Variants in SUPT20H observed in about 807,000 individuals in gnomAD.
SUPT20H encodes transcription factor SPT20 homolog.
In SUPT20H, 82 loss-of-function variants were observed where a neutral mutation model predicts 122.8. The ratio of observed to expected loss-of-function variants is 0.67; its 90% confidence interval spans 0.56 to 0.80. The LOEUF (loss-of-function observed/expected upper bound fraction) is 0.80, where lower values mean the gene tolerates loss of function less well. Among genes scored for constraint, SUPT20H ranks in the 30% least tolerant of loss-of-function variants. The pLI, the probability that SUPT20H is intolerant of heterozygous loss-of-function variation, is 0.00. For missense variants in SUPT20H, 831 were observed against 921.6 expected, an observed-to-expected ratio of 0.90 and a Z score of 1.27; for synonymous variants, 291 against 313.0, an observed-to-expected ratio of 0.93 and a Z score of 0.74.
rs549745826 is a variant in SUPT20H at position 37,047,908 on chromosome 13, G to A, written c.68C>T (p.Pro23Leu). The A allele has an allele frequency of 2.5e-6, 4 of 1,605,926 alleles. No homozygotes were observed. The South Asian group carries it at 4.5e-5, about 18-fold the overall frequency. ...ACTTGATAGGTATTTCCTTTTAGGA[G>A]GTCTCTGTCGGGCACTTTCAATGAC... The part of the protein sequence containing the change: ...EYVIESARQR[P>L]PKRKYLSSGR... Residue 23 changes from proline (P) to leucine (L), a missense_variant, in exon 4 of 26, where the codon CCT becomes CTT. Coordinates refer to ENST00000350612, the MANE Select transcript of SUPT20H (RefSeq NM_001014286.3).
chr13:37,035,548 TC>T (rs1478007936), intron 9 of SUPT20H, among the ~76,000 whole-genome samples: 1 of 150,324 alleles, frequency 6.7e-6, no homozygotes, highest in Non-Finnish European at 1.5e-5. Flanking sequence ...TGAGTCAGAG[TC>T]TCCCTCTGTC....
At chr13:37,026,307 A>G (rs369193215) in intron 15 of SUPT20H, 71 bp from the exon 16 acceptor site, 176 of 1,125,442 alleles carry the variant, frequency 1.6e-4, no homozygotes, top group Admixed American at 5.4e-4. Flanking sequence ...GCTTGGGATT[A>G]CTTTTGAATC....
chr13:37,040,804 A>G (rs1182583836), intron 7 of SUPT20H, 112 bp from the exon 8 acceptor site: 1 of 743,638 alleles, frequency 1.3e-6, no homozygotes, highest in Admixed American at 2.2e-5. Context: ...CTGGCCACTC[A>G]TGTATGTACT....
chr13:37,038,217 G>T (rs1192965385), intron 9 of SUPT20H: 2 of 152,094 alleles, frequency 1.3e-5, no homozygotes, highest in African/African-American at 4.8e-5. Context: ...TCACATCCAA[G>T]AAATACTGCT....
intron 6 of SUPT20H, 53 bp downstream of exon 6, chr13:37,045,194 A>T (rs2066202861): frequency 1.2e-6 from 2 of 1,603,454 alleles, no homozygotes; most frequent in South Asian, 2.3e-5. Flanking sequence ...AAAAAACCGC[A>T]CATCCTGCCT....
At chr13:37,051,753 C>T (rs1298806429) in intron 1 of SUPT20H, 170 bp from the exon 2 acceptor site, 1 of 351,308 alleles carries the variant, frequency 2.8e-6, no homozygotes, top group Admixed American at 4.6e-5. Flanking sequence ...TGTACCACAA[C>T]CTATCCACTC....
At position 37,009,829 on chromosome 13, in the gene SUPT20H, A is replaced by T. The variant is rs1490331109; in HGVS notation, c.2203-20T>A. The stretch of plus-strand genomic sequence containing the variant: ...CAACTGCTGCAAAAGGGAGGGAAAA[A>T]AATCGAGTTATGTTAAATGCAGGCA... On this transcript the variant is annotated intron_variant, in intron 25 of 25. Transcript: ENST00000350612. 6.2e-7 allele frequency: 1 copy of T among 1,602,964 alleles called. No individual in the cohort carries two copies. The highest frequency in any genetic ancestry group is 8.5e-7 in the Non-Finnish European group (1 of 1,176,468).
chr13:37,045,484 A>T (rs1433771815), intron 5 of SUPT20H, 111 bp from the exon 6 acceptor site: 1 of 1,340,418 alleles, frequency 7.5e-7, no homozygotes, highest in Non-Finnish European at 1.0e-6. Context: ...CTCTTTCTGC[A>T]TTATGATTCT....
chr13:37,045,296 G>A lies in SUPT20H; in HGVS notation c.243C>T (p.Tyr81=). The A allele has an allele frequency of 6.2e-7, 1 of 1,613,676 alleles. No individual in the cohort carries two copies. Among genetic ancestry groups the A allele is most frequent in the Non-Finnish European group, 8.5e-7 (1 of 1,179,778 alleles). ...TCAGAGAATATCCCTCATTTCCTGG[G>A]TATAGATTGACCACTAAACATGACA... ...ETLSCLVVNL[Y]PGNEGYSLML... is the part of the protein sequence containing the mutation. Residue 81 remains tyrosine, a synonymous_variant, in exon 6 of 26, where the codon TAC becomes TAT. Coordinates refer to ENST00000350612, the MANE Select transcript of SUPT20H (RefSeq NM_001014286.3).
At position 37,022,420 on chromosome 13, in the gene SUPT20H, T is replaced by C; in HGVS notation, c.1592-340A>G. Reference sequence around the variant, plus strand: ...ACTTAGCACTGACAATTTGTTCTAGTTTTTTTTTTTTTAGCAGTTAACTGC... The same window carrying C: ...ACTTAGCACTGACAATTTGTTCTAGCTTTTTTTTTTTTAGCAGTTAACTGC... On this transcript the variant is annotated intron_variant, in intron 19 of 25. Coordinates refer to ENST00000350612, the MANE Select transcript of SUPT20H (RefSeq NM_001014286.3). The surrounding 1 kb of genome is among the most constrained non-coding windows in gnomAD (Gnocchi z 4.5). 1.9e-6 allele frequency: 1 copy of C among 526,808 alleles called. No individual in the cohort carries two copies. Among genetic ancestry groups the C allele is most frequent in the Non-Finnish European group, 2.7e-6 (1 of 377,278 alleles). The allele number at this position is 526,808 out of a possible 1,614,324, so 32.6% of individuals were successfully genotyped here. A position where few individuals can be genotyped will look rare whatever the true frequency, so the allele number is the denominator to read the frequency against.
At chr13:37,033,975 A>AT (rs2063878337) in intron 9 of SUPT20H, among the ~76,000 whole-genome samples, 1 of 152,108 alleles carries the variant, frequency 6.6e-6, no homozygotes, top group Non-Finnish European at 1.5e-5. Flanking sequence ...TATTAAATCT[A>AT]TTATGGTGAT....
At chr13:37,054,398 C>T (rs1430220535) in intron 1 of SUPT20H, among the ~76,000 whole-genome samples, 2 of 152,172 alleles carry the variant, frequency 1.3e-5, no homozygotes, top group African/African-American at 4.8e-5. Context: ...AATCCAGCAG[C>T]ACATCAAAAA....
At chr13:37,031,477 G>C in intron 12 of SUPT20H, 90 bp downstream of exon 12, 1 of 727,920 alleles carries the variant, frequency 1.4e-6, no homozygotes, top group Non-Finnish European at 2.1e-6. Flanking sequence ...TTTAAAGTAA[G>C]TTTTTTTTTT....
At position 37,040,611 on chromosome 13, in the gene SUPT20H, G is replaced by C; in HGVS notation, c.478C>G (p.Gln160Glu). Residue 160 changes from glutamine (Q) to glutamate (E), a missense_variant, in exon 8 of 26, where the codon CAA becomes GAA. By Grantham distance (29) the Gln-to-Glu change is conservative. Transcript: ENST00000350612. ...QSSNMKSPGYQSRHILLRPTM... is the reference protein window; with the variant it reads ...QSSNMKSPGYESRHILLRPTM... ...GGACGTAAGAGAATGTGCCGACTTT[G>C]GTAACCAGGAGATTTCATGTTACTG... The C allele has an allele frequency of 6.2e-7, 1 of 1,614,040 alleles. No homozygotes were observed. The highest frequency in any genetic ancestry group is 8.5e-7 in the Non-Finnish European group (1 of 1,179,986).
rs1594036523 is a variant in SUPT20H at position 37,022,401 on chromosome 13, C to T, written c.1592-321G>A. ...ATAAGGTTAATGGAATCTTACTTAG[C>T]ACTGACAATTTGTTCTAGTTTTTTT... On this transcript the variant is annotated intron_variant, in intron 19 of 25. Coordinates refer to ENST00000350612, the MANE Select transcript of SUPT20H (RefSeq NM_001014286.3). The surrounding 1 kb of genome is among the most constrained non-coding windows in gnomAD (Gnocchi z 4.5). The T allele has an allele frequency of 6.9e-6, 9 of 1,304,668 alleles. No homozygotes were observed. In the East Asian group the frequency reaches 2.6e-4, roughly 37 times the overall value. 80.8% of individuals were successfully genotyped at this position (1,304,668 alleles called of 1,614,324 possible). A position where few individuals can be genotyped will look rare whatever the true frequency, so the allele number is the denominator to read the frequency against.
At chr13:37,021,298 C>A in intron 21 of SUPT20H, 150 bp downstream of exon 21, 1 of 876,668 alleles carries the variant, frequency 1.1e-6, no homozygotes, top group Non-Finnish European at 1.5e-6. Flanking sequence ...AATGCCAGAA[C>A]TTTTAAAGGC....
intron 2 of SUPT20H, among the ~76,000 whole-genome samples, chr13:37,049,382 T>C (rs2067164398): frequency 6.6e-6 from 1 of 152,218 alleles, no homozygotes; most frequent in African/African-American, 2.4e-5. Context: ...AGCTATGCTA[T>C]GTCTTCATTT....
Position 37,024,176 on chromosome 13 carries a change from G to C in SUPT20H, c.1450C>G (p.Gln484Glu). ...NSSSGNYFTPQQTSSFLKSPT... is the reference protein window; with the variant it reads ...NSSSGNYFTPEQTSSFLKSPT... Reference sequence around the variant, plus strand: ...GATTTGAGAAAGCTGCTTGTCTGTTGTGGTGTAAAATAGTTACCTAGAAGA... The same window carrying C: ...GATTTGAGAAAGCTGCTTGTCTGTTCTGGTGTAAAATAGTTACCTAGAAGA... The change falls in exon 19 of 26, where the codon CAA becomes GAA. Residue 484 changes from glutamine to glutamate, a missense_variant. Coordinates refer to ENST00000350612, the MANE Select transcript of SUPT20H (RefSeq NM_001014286.3). The C allele has an allele frequency of 6.2e-7, 1 of 1,613,200 alleles. No individual in the cohort carries two copies. The highest frequency in any genetic ancestry group is 8.5e-7 in the Non-Finnish European group (1 of 1,179,610).
chr13:37,040,306 T>G, intron 9 of SUPT20H, 99 bp downstream of exon 9: 1 of 1,077,698 alleles, frequency 9.3e-7, no homozygotes, highest in East Asian at 2.5e-5. Context: ...TCAAACTTAA[T>G]TATTGAATAA....
Sources: gnomAD v4.1 joint callset for allele counts (sites outside exome capture counted in the v4.1 genomes callset) on GRCh38, gnomAD v4.1.1 for gene constraint, Gnocchi (gnomAD v3.1) non-coding constraint, MANE v1.5 for transcripts, NCBI Gene and HGNC (gene_info 2026-07-23, HGNC 2026-07-21) for gene names.